The following SERBP1 variants were observed in gnomAD, a reference collection of about 807,000 sequenced individuals.
SERBP1 encodes the protein SERPINE1 mRNA binding protein 1, also known as SERPINE1 mRNA-binding protein 1.
SERBP1 carries 6 observed loss-of-function variants against 50.2 expected under a neutral mutation model. The observed-to-expected ratio is 0.12, with a 90% CI of 0.07 to 0.24. The LOEUF is 0.24. Ranked by LOEUF, SERBP1 falls within the 10% of genes least tolerant of loss-of-function variation. The pLI, the probability that SERBP1 is intolerant of heterozygous loss-of-function variation, is 1.00. For missense variants in SERBP1, 346 were observed against 524.9 expected (o/e 0.66, Z 3.33); for synonymous variants, 168 against 182.8 (o/e 0.92, Z 0.65).
intron 1 of SERBP1, 115 bp downstream of exon 1, chr1:67,429,873 T>C (rs2100454346): frequency 1.8e-6 from 2 of 1,139,488 alleles, no homozygotes; most frequent in Non-Finnish European, 2.5e-6. Context: ...AACGTGAGGA[T>C]ATAGGCGGCA....
intron 6 of SERBP1, among the ~76,000 whole-genome samples, chr1:67,418,246 G>A (rs978107455): frequency 1.3e-5 from 2 of 151,906 alleles, no homozygotes; most frequent in Non-Finnish European, 2.9e-5. Flanking sequence ...AAAGTGCTGG[G>A]ATTACAGGTG....
intron 6 of SERBP1, 112 bp from the exon 7 acceptor site, chr1:67,415,451 G>T: frequency 9.5e-7 from 1 of 1,055,974 alleles, no homozygotes; most frequent in Non-Finnish European, 1.3e-6. Context: ...TGTACTTTCT[G>T]TGAACAAATG....
intron 5 of SERBP1, among the ~76,000 whole-genome samples, chr1:67,421,788 T>C (rs551269564): frequency 6.6e-6 from 1 of 152,214 alleles, no homozygotes; most frequent in South Asian, 2.1e-4. Flanking sequence ...ACCATGTCTC[T>C]ACTGAAAATA....
In SERBP1 at chr1:67,419,374, T is replaced by C. The variant is rs1375435201; in HGVS notation, c.951+635A>G. Reference sequence around the variant, plus strand: ...AGTTTTGGGAGAGTCAAAGGTTACATGTGCATTGATCTGCGGGGTCAGTGC... The same window carrying C: ...AGTTTTGGGAGAGTCAAAGGTTACACGTGCATTGATCTGCGGGGTCAGTGC... On this transcript the variant is annotated intron_variant, in intron 6 of 7. Transcript: ENST00000361219. 2.0e-5 allele frequency among the ~76,000 whole-genome samples: 3 copies of C among 152,256 alleles called. No individual in the cohort carries two copies. The East Asian group carries it at 5.8e-4, about 29-fold the overall frequency.
intron 5 of SERBP1, among the ~76,000 whole-genome samples, chr1:67,421,915 G>A (rs971492732): frequency 6.6e-6 from 1 of 152,082 alleles, no homozygotes; most frequent in Non-Finnish European, 1.5e-5. Flanking sequence ...CTCTAGCATG[G>A]GAGACAGGAG....
chr1:67,416,267 C>T (rs1667008724), intron 6 of SERBP1, among the ~76,000 whole-genome samples: 1 of 152,232 alleles, frequency 6.6e-6, no homozygotes, highest in Non-Finnish European at 1.5e-5. Flanking sequence ...CTGGCCTTGG[C>T]CTTCCAAAGT....
chr1:67,417,834 T>A (rs904056991), intron 6 of SERBP1, among the ~76,000 whole-genome samples: 1 of 151,976 alleles, frequency 6.6e-6, no homozygotes, highest in African/African-American at 2.4e-5. Context: ...ACTCAGACAA[T>A]GAGGAGCAGA....
chr1:67,424,805 T>G, intron 4 of SERBP1, 83 bp downstream of exon 4: 1 of 1,015,044 alleles, frequency 9.9e-7, no homozygotes, highest in Admixed American at 1.8e-5. Context: ...TTCATTCTTA[T>G]CTCAGAGACA....
At chr1:67,413,465 A>G (rs1666903874) in intron 7 of SERBP1, among the ~76,000 whole-genome samples, 1 of 152,130 alleles carries the variant, frequency 6.6e-6, no homozygotes, top group Admixed American at 6.5e-5. Flanking sequence ...CCTGGCCAAC[A>G]TGGTGAAATC....
At chr1:67,427,597 C>T (rs1667429721) in intron 1 of SERBP1, among the ~76,000 whole-genome samples, 2 of 152,230 alleles carry the variant, frequency 1.3e-5, no homozygotes, top group Admixed American at 6.5e-5. Flanking sequence ...AATATTAGAC[C>T]TTACACCAAG....
chr1:67,430,190 C>T lies in SERBP1; in HGVS notation c.111G>A (p.Lys37=), dbSNP rs1667530966. Residue 37 remains lysine (K), a synonymous_variant, in exon 1 of 8, where the codon AAG becomes AAA. Coordinates refer to ENST00000361219, the MANE Select transcript of SERBP1 (RefSeq NM_001018069.2). ...CGCCGCCCCCGCCGGCTTCTTTTTT[C>T]TTGTTCTCTGCTGCCTTCAGCACCT... is the stretch of plus-strand genomic sequence containing the variant. The part of the protein sequence containing the change: ...PFEVLKAAEN[K]KKEAGGGGVG... 1 of 1,610,742 alleles carries T rather than the reference C, an allele frequency of 6.2e-7. No individual in the cohort carries two copies. The highest frequency in any genetic ancestry group is 1.7e-5 in the Admixed American group (1 of 59,772).
At chr1:67,426,041 G>A (rs1375662833) in intron 2 of SERBP1, 94 bp downstream of exon 2, 2 of 1,047,240 alleles carry the variant, frequency 1.9e-6, no homozygotes, top group African/African-American at 1.6e-5. Context: ...TTTGAGCCCA[G>A]GAAGCAGAGG....
rs1666884657 is a variant in SERBP1 at position 67,412,820 on chromosome 1, A to T, written c.*387T>A. 2 of 172,834 alleles carry T rather than the reference A, an allele frequency of 1.2e-5. No homozygotes were observed. Among genetic ancestry groups the T allele is most frequent in the African/African-American group, 4.8e-5 (2 of 41,998 alleles). The allele number at this position is 172,834 out of a possible 1,614,324, so 10.7% of individuals were successfully genotyped here. On this transcript the variant is annotated 3_prime_UTR_variant, in exon 8 of 8. Transcript: ENST00000361219. ...TTTAAAACCAGTTTGTAATTGGGGG[A>T]ACTTCTAAATCCTTAATTAAAAAAC... is the stretch of plus-strand genomic sequence containing the variant.
At position 67,412,238 on chromosome 1, in the gene SERBP1, C is replaced by T. The variant is rs1427705872; in HGVS notation, c.*969G>A. On this transcript the variant is annotated 3_prime_UTR_variant, in exon 8 of 8. Coordinates refer to ENST00000361219, the MANE Select transcript of SERBP1 (RefSeq NM_001018069.2). The stretch of plus-strand genomic sequence containing the variant: ...GTACCATTTTGATTTTGGGACCTTT[C>T]ACACACAGAAATCATACCAAATGGC... 1 of 152,610 alleles carries T rather than the reference C, an allele frequency of 6.6e-6. No homozygotes were observed. Among genetic ancestry groups the T allele is most frequent in the Non-Finnish European group, 1.5e-5 (1 of 68,032 alleles). 9.5% of individuals were successfully genotyped at this position (152,610 alleles called of 1,614,324 possible).
intron 6 of SERBP1, among the ~76,000 whole-genome samples, chr1:67,419,579 T>G (rs576702337): frequency 1.1e-4 from 17 of 149,722 alleles, no homozygotes; most frequent in Non-Finnish European, 2.4e-4. Flanking sequence ...TTTCAAAAGT[T>G]GAATTCTAAA....
intron 6 of SERBP1, chr1:67,417,384 C>T (rs1301457506): frequency 6.6e-6 from 1 of 152,154 alleles, no homozygotes; most frequent in Non-Finnish European, 1.5e-5. Flanking sequence ...TATGCAGATA[C>T]TATGCCATTT....
chr1:67,423,930 C>T (rs903959908), intron 5 of SERBP1, among the ~76,000 whole-genome samples: 1 of 152,206 alleles, frequency 6.6e-6, no homozygotes, highest in Non-Finnish European at 1.5e-5. Context: ...TGCCTGTAAT[C>T]CCAGCACTTT....
intron 5 of SERBP1, among the ~76,000 whole-genome samples, chr1:67,423,193 A>G (rs11209067): frequency 0.61 from 92,519 of 150,820 alleles, 29,047 homozygotes; most frequent in Non-Finnish European, 0.68. Context: ...CAGCTACTCC[A>G]GAGGCTGAGG....
In SERBP1 at chr1:67,411,137, G is replaced by C. The variant is rs184333375; in HGVS notation, c.*2070C>G. 12 of 152,222 alleles carry C rather than the reference G, an allele frequency of 7.9e-5. No homozygotes were observed. The highest frequency in any genetic ancestry group is 2.6e-4 in the African/African-American group (11 of 41,548). 9.4% of individuals were successfully genotyped at this position (152,222 alleles called of 1,614,324 possible). On this transcript the variant is annotated 3_prime_UTR_variant, in exon 8 of 8. Transcript: ENST00000361219. ...TCACAGTTTTAGCTCTTGACACAAAGTGAACTAGGAGGCAAATTTATATCC... is the reference window on the plus strand; with the variant it reads ...TCACAGTTTTAGCTCTTGACACAAACTGAACTAGGAGGCAAATTTATATCC...
Sources: allele counts gnomAD v4.1 joint callset (sites outside exome capture counted in the v4.1 genomes callset), GRCh38; gene constraint gnomAD v4.1.1; transcripts MANE v1.5; gene names NCBI Gene and HGNC (gene_info 2026-07-23, HGNC 2026-07-21).